Variants in SGCD observed in about 807,000 individuals in gnomAD.
SGCD encodes delta-sarcoglycan.
In SGCD, 18 loss-of-function variants were observed where a neutral mutation model predicts 36.6. That is an observed-to-expected ratio of 0.49 (90% CI 0.34 to 0.73). The LOEUF is 0.73. Among genes scored for constraint, SGCD ranks in the 30% least tolerant of loss-of-function variants. SGCD has a pLI of 0.01. For synonymous variants in SGCD, 133 were observed against 130.6 expected (o/e 1.02, Z -0.12); for missense variants, 387 against 346.7 (o/e 1.12, Z -0.92).
chr5:155,811,651 G>A, the SGCD span, among the ~76,000 whole-genome samples: 17 of 152,056 alleles, frequency 1.1e-4, no homozygotes, highest in African/African-American at 3.9e-4. Context: ...AATGCAACGG[G>A]GCTCTCTCTT....
At chr5:156,562,804 T>C (rs1006764481) in intron 4 of SGCD, among the ~76,000 whole-genome samples, 1 of 151,360 alleles carries the variant, frequency 6.6e-6, no homozygotes, top group Non-Finnish European at 1.5e-5. Context: ...TTTATGTAGT[T>C]AAATATATAC....
intron 1 of SGCD, among the ~76,000 whole-genome samples, chr5:155,994,246 T>G (rs1758493980): frequency 6.6e-6 from 1 of 152,168 alleles, no homozygotes; most frequent in South Asian, 2.1e-4. Context: ...AACTCAAACC[T>G]CCTTGAGCCT....
At chr5:156,560,101 A>G (rs923625902) in intron 4 of SGCD, among the ~76,000 whole-genome samples, 2 of 152,180 alleles carry the variant, frequency 1.3e-5, no homozygotes, top group African/African-American at 4.8e-5. Flanking sequence ...TGTTTTATTT[A>G]TGGTTAGCTA....
chr5:156,634,588 T>C (rs1762753742), intron 6 of SGCD, among the ~76,000 whole-genome samples: 1 of 152,054 alleles, frequency 6.6e-6, no homozygotes, highest in Non-Finnish European at 1.5e-5. Context: ...CATAGGAGAA[T>C]GGTGGAAGCC....
intron 3 of SGCD, among the ~76,000 whole-genome samples, chr5:156,297,334 C>T (rs1766922288): frequency 6.6e-6 from 1 of 152,064 alleles, no homozygotes. Context: ...AAGACACCTG[C>T]ACACGTATGT....
At chr5:156,553,477 A>G (rs181056921) in intron 4 of SGCD, among the ~76,000 whole-genome samples, 251 of 152,260 alleles carry the variant, frequency 1.6e-3, no homozygotes, top group Middle Eastern at 0.014. Flanking sequence ...TTCATATAAC[A>G]TAAAATTCAC....
the SGCD span, among the ~76,000 whole-genome samples, chr5:155,761,964 C>G: frequency 6.6e-6 from 1 of 152,188 alleles, no homozygotes; most frequent in Non-Finnish European, 1.5e-5. Flanking sequence ...CATTTCCTAA[C>G]TATTTCATGC....
At chr5:156,300,417 T>C (rs1227324525) in intron 3 of SGCD, among the ~76,000 whole-genome samples, 1 of 152,100 alleles carries the variant, frequency 6.6e-6, no homozygotes, top group Non-Finnish European at 1.5e-5. Context: ...TACCTGTGTT[T>C]GCATAGTTTC....
At chr5:155,829,102 C>A in the SGCD span, among the ~76,000 whole-genome samples, 1 of 152,042 alleles carries the variant, frequency 6.6e-6, no homozygotes, top group Admixed American at 6.5e-5. Context: ...TAAGTCATTT[C>A]TCACTCTTCT....
intron 2 of SGCD, among the ~76,000 whole-genome samples, chr5:156,332,264 GT>G: frequency 6.6e-6 from 1 of 152,242 alleles, no homozygotes; most frequent in South Asian, 2.1e-4. Flanking sequence ...TTCACAAAGT[GT>G]TTTTTTGTTT....
intron 4 of SGCD, among the ~76,000 whole-genome samples, chr5:156,514,615 A>G (rs1371875989): frequency 1.5e-4 from 23 of 152,238 alleles, no homozygotes. Context: ...AGATAGTCTC[A>G]TGTATGAAAA....
chr5:155,950,236 TAA>T (rs1757523076), intron 1 of SGCD, among the ~76,000 whole-genome samples: 1 of 152,334 alleles, frequency 6.6e-6, no homozygotes, highest in African/African-American at 2.4e-5. Flanking sequence ...AATGTCTGTA[TAA>T]TTTATGCTCC....
rs1419546435 is a variant in SGCD, at chr5:156,061,103, C to T, written c.-281-56775C>T. On this transcript the variant is annotated intron_variant, in intron 1 of 9. Transcript: ENST00000517913. ...TTCAAGACTTTATCCTTACCTGAGT[C>T]AAAGCACTAGTCTCACAGAGACGTT... is the stretch of plus-strand genomic sequence containing the variant. Among the ~76,000 whole-genome samples the T allele has an allele frequency of 3.4e-5, 5 of 145,458 alleles. 1 individual carries two copies. The highest frequency in any genetic ancestry group is 3.4e-4 in the Admixed American group (5 of 14,562).
chr5:155,939,098 C>A (rs1757272870), intron 1 of SGCD, among the ~76,000 whole-genome samples: 1 of 152,046 alleles, frequency 6.6e-6, no homozygotes, highest in African/African-American at 2.4e-5. Context: ...ATAAAGAATT[C>A]CAGTTAGGAG....
intron 7 of SGCD, among the ~76,000 whole-genome samples, chr5:156,733,308 A>G (rs1328373749): frequency 6.6e-6 from 1 of 152,050 alleles, no homozygotes; most frequent in African/African-American, 2.4e-5. Context: ...TTATTTACCC[A>G]AGAGTCATTC....
intron 3 of SGCD, among the ~76,000 whole-genome samples, chr5:156,412,836 C>A (rs943759386): frequency 6.9e-6 from 1 of 145,844 alleles, no homozygotes. Flanking sequence ...TCGCCCAGGC[C>A]GGACTGCGGA....
At chr5:156,709,957 T>C (rs543543468) in intron 7 of SGCD, among the ~76,000 whole-genome samples, 3 of 151,910 alleles carry the variant, frequency 2.0e-5, no homozygotes, top group Admixed American at 2.0e-4. Flanking sequence ...GGACTTTTGA[T>C]AGAAGAGTTT....
intron 3 of SGCD, among the ~76,000 whole-genome samples, chr5:156,360,175 C>G (rs1428181962): frequency 2.0e-5 from 3 of 152,090 alleles, no homozygotes; most frequent in African/African-American, 7.2e-5. Flanking sequence ...AACTTGTCTT[C>G]CTGTTTGGTG....
At chr5:155,801,221 A>G in the SGCD span, among the ~76,000 whole-genome samples, 1 of 139,828 alleles carries the variant, frequency 7.2e-6, no homozygotes, top group African/African-American at 3.3e-5. Context: ...GTATCTGGTT[A>G]AAAAAAACAA....
Sources: allele counts gnomAD v4.1 joint callset (sites outside exome capture counted in the v4.1 genomes callset), GRCh38; gene constraint gnomAD v4.1.1; transcripts MANE v1.5; gene names NCBI Gene and HGNC (gene_info 2026-07-23, HGNC 2026-07-21).